DMXL1: variants seen among roughly 807,000 people sequenced by gnomAD.
DMXL1 encodes dmX-like protein 1.
In DMXL1, 99 loss-of-function variants were observed where a neutral mutation model predicts 319.2. The observed-to-expected ratio is 0.31, with a 90% confidence interval of 0.26 to 0.37. DMXL1 has a LOEUF of 0.37. Among genes scored for constraint, DMXL1 ranks in the 10% least tolerant of loss-of-function variants. The pLI is 1.00. For synonymous variants in DMXL1, 1,385 were observed against 1,235.2 expected, an observed-to-expected ratio of 1.12 and a Z score of -2.54; for missense variants, 3,745 against 3,595.6, an observed-to-expected ratio of 1.04 and a Z score of -1.06.
At chr5:119,106,196 C>T (rs1758302822) in intron 4 of DMXL1, among the ~76,000 whole-genome samples, 4 of 152,270 alleles carry the variant, frequency 2.6e-5, no homozygotes, top group South Asian at 4.1e-4. Context: ...TCTTCTGTGG[C>T]CCTCTGTAGC....
At chr5:119,198,860 A>C (rs1780144955) in intron 32 of DMXL1, among the ~76,000 whole-genome samples, 1 of 152,210 alleles carries the variant, frequency 6.6e-6, no homozygotes, top group African/African-American at 2.4e-5. Flanking sequence ...TTCATCACTC[A>C]GGTAGTACTA....
At position 119,164,623 on chromosome 5, in the gene DMXL1, G is replaced by T; in HGVS notation, c.4819G>T (p.Gly1607Cys). ...CACTTGGTCTGAACTAAGAGCTATG[G>T]GTGTGGGGTGGTGGGTCCGGAATAC... The part of the protein sequence containing the change: ...DPTWSELRAM[G>C]VGWWVRNTRI... The change falls in exon 20 of 44, where the codon GGT becomes TGT. Residue 1607 changes from glycine (G) to cysteine (C), a missense_variant. Gly to Cys is a radical substitution (Grantham distance 159). Coordinates refer to ENST00000539542, the MANE Select transcript of DMXL1 (RefSeq NM_001290321.3). 1 of 1,613,544 alleles carries T rather than the reference G, an allele frequency of 6.2e-7. No homozygotes were observed. Among genetic ancestry groups the T allele is most frequent in the Non-Finnish European group, 8.5e-7 (1 of 1,179,616 alleles).
chr5:119,239,101 T>G, intron 41 of DMXL1, 21 bp downstream of exon 41: 2 of 1,612,312 alleles, frequency 1.2e-6, no homozygotes, highest in African/African-American at 1.3e-5. Flanking sequence ...ATAGCTAAAA[T>G]TGAAGTATGA....
At chr5:119,085,255 C>A (rs372104406) in intron 1 of DMXL1, among the ~76,000 whole-genome samples, 3 of 151,814 alleles carry the variant, frequency 2.0e-5, no homozygotes, top group Admixed American at 6.6e-5. Flanking sequence ...CGCTTGAACC[C>A]GGGAGGCAGA....
chr5:119,223,736 C>T (rs909301555), intron 37 of DMXL1, among the ~76,000 whole-genome samples: 2 of 151,752 alleles, frequency 1.3e-5, no homozygotes, highest in Admixed American at 6.6e-5. Context: ...CTTTTTTAAA[C>T]CTGTGTTTGT....
intron 39 of DMXL1, among the ~76,000 whole-genome samples, chr5:119,235,386 A>C (rs1398200824): frequency 1.3e-5 from 2 of 152,178 alleles, no homozygotes; most frequent in Non-Finnish European, 2.9e-5. Context: ...CGATTCCCAA[A>C]AATGTGGTCA....
intron 25 of DMXL1, among the ~76,000 whole-genome samples, chr5:119,174,552 A>G (rs1274867098): frequency 2.0e-5 from 3 of 152,174 alleles, no homozygotes; most frequent in Non-Finnish European, 4.4e-5. Context: ...TTGATCTGTC[A>G]TTCTCCATTT....
intron 1 of DMXL1, among the ~76,000 whole-genome samples, chr5:119,076,568 TAA>T (rs1245337750): frequency 6.6e-6 from 1 of 152,212 alleles, no homozygotes; most frequent in African/African-American, 2.4e-5. Flanking sequence ...TTTTAAAACA[TAA>T]AGTTTTACAG....
intron 10 of DMXL1, 71 bp from the exon 11 acceptor site, chr5:119,133,061 G>C: frequency 6.5e-7 from 1 of 1,541,398 alleles, no homozygotes; most frequent in Non-Finnish European, 8.8e-7. Context: ...CTATCCAGAA[G>C]CTCGGTAATT....
At chr5:119,203,669 G>T (rs556935316) in intron 33 of DMXL1, among the ~76,000 whole-genome samples, 1 of 151,910 alleles carries the variant, frequency 6.6e-6, no homozygotes. Flanking sequence ...TTAATATTCC[G>T]CATCTTGTTT....
chr5:119,203,526 T>C, intron 33 of DMXL1, 90 bp downstream of exon 33: 1 of 726,500 alleles, frequency 1.4e-6, no homozygotes, highest in South Asian at 2.9e-5. Context: ...ATTTTACAGA[T>C]TTTTTGAAAA....
intron 13 of DMXL1, among the ~76,000 whole-genome samples, chr5:119,139,861 A>G (rs916402188): frequency 6.6e-6 from 1 of 152,200 alleles, no homozygotes; most frequent in African/African-American, 2.4e-5. Flanking sequence ...AAATTGGACC[A>G]CATAATTGGA....
intron 19 of DMXL1, among the ~76,000 whole-genome samples, chr5:119,160,156 G>A (rs114947502): frequency 0.039 from 5,909 of 151,368 alleles, 164 homozygotes; most frequent in Middle Eastern, 0.065. Flanking sequence ...TATATATATG[G>A]GGGGAGGCAC....
At chr5:119,148,066 C>CA (rs1384438729) in intron 17 of DMXL1, among the ~76,000 whole-genome samples, 2 of 152,094 alleles carry the variant, frequency 1.3e-5, no homozygotes, top group Non-Finnish European at 2.9e-5. Flanking sequence ...GAATACTAAT[C>CA]AAAAATACAA....
chr5:119,133,205 A>G lies in DMXL1; in HGVS notation c.1389A>G (p.Pro463=). The G allele has an allele frequency of 6.2e-7, 1 of 1,614,210 alleles. No homozygotes were observed. The highest frequency in any genetic ancestry group is 8.5e-7 in the Non-Finnish European group (1 of 1,180,024). ...AATTAGGCTGTGATAAAATGGTACC[A>G]AACTCAAGTTTTACATCATTATCGT... is the stretch of plus-strand genomic sequence containing the variant. The part of the protein sequence containing the change: ...KKELGCDKMV[P]NSSFTSLSSA... The change falls in exon 11 of 44, where the codon CCA becomes CCG. Residue 463 remains proline, a synonymous_variant. Coordinates refer to ENST00000539542, the MANE Select transcript of DMXL1 (RefSeq NM_001290321.3).
intron 9 of DMXL1, chr5:119,128,452 C>T (rs1383172347): frequency 1.1e-5 from 2 of 176,504 alleles, no homozygotes; most frequent in African/African-American, 4.8e-5. Flanking sequence ...CATACCCTCC[C>T]CACTCCATGA....
Position 119,071,420 on chromosome 5 carries a change from C to A in DMXL1, c.-150C>A, listed in dbSNP as rs1161382136. 4 of 769,626 alleles carry A rather than the reference C, an allele frequency of 5.2e-6. No individual in the cohort carries two copies. The highest frequency in any genetic ancestry group is 3.6e-5 in the African/African-American group (2 of 55,442). The allele number at this position is 769,626 out of a possible 1,614,324, so 47.7% of individuals were successfully genotyped here. The stretch of plus-strand genomic sequence containing the variant: ...GCTCGGGATGAGTCGCGGGCCCCAG[C>A]TGAGCGGCTCCGGCTCCAGGCGCCT... On this transcript the variant is annotated 5_prime_UTR_variant, in exon 1 of 44. It adds an upstream start codon to the 5' untranslated region. Transcript: ENST00000539542.
intron 28 of DMXL1, among the ~76,000 whole-genome samples, chr5:119,181,364 T>G (rs1333304698): frequency 6.6e-6 from 1 of 152,176 alleles, no homozygotes; most frequent in Non-Finnish European, 1.5e-5. Flanking sequence ...TGTCCTTGAG[T>G]ACCCAGAAAG....
chr5:119,112,936 A>G (rs555954929), intron 5 of DMXL1, among the ~76,000 whole-genome samples: 20 of 152,290 alleles, frequency 1.3e-4, no homozygotes, highest in African/African-American at 4.3e-4. Flanking sequence ...AGCCTGGGCA[A>G]TAGAGTGAGA....
Sources: allele counts gnomAD v4.1 joint callset (sites outside exome capture counted in the v4.1 genomes callset), GRCh38; gene constraint gnomAD v4.1.1; transcripts MANE v1.5; gene names NCBI Gene and HGNC (gene_info 2026-07-23, HGNC 2026-07-21).